CACNA2D3: variants seen among roughly 807,000 people sequenced by gnomAD.
The protein encoded by CACNA2D3 is voltage-dependent calcium channel subunit alpha-2/delta-3.
Under a neutral mutation model 160.6 loss-of-function variants are expected in CACNA2D3, and 60 were observed. That is an observed-to-expected ratio of 0.37 (90% CI 0.30 to 0.46). CACNA2D3 has a LOEUF of 0.46. Among genes scored for constraint, CACNA2D3 ranks in the 20% least tolerant of loss-of-function variants. The pLI is 1.00. For synonymous variants in CACNA2D3, 558 were observed against 492.9 expected, an observed-to-expected ratio of 1.13 and a Z score of -1.75; for missense variants, 1,205 against 1,365.0, an observed-to-expected ratio of 0.88 and a Z score of 1.85.
At chr3:54,736,422 C>G (rs914105238) in intron 11 of CACNA2D3, among the ~76,000 whole-genome samples, 1 of 151,776 alleles carries the variant, frequency 6.6e-6, no homozygotes, top group Non-Finnish European at 1.5e-5. Flanking sequence ...TGATTGTTTC[C>G]TTGTGTTGAT....
In CACNA2D3 at chr3:54,989,068, C is replaced by T. The variant is rs144632070; in HGVS notation, c.2690+1315C>T. On this transcript the variant is annotated intron_variant, in intron 31 of 37. Transcript: ENST00000474759. ...TCAAGCTTCCTGCAGCAGCTCCTGG[C>T]CTGCCATCCACGGCACCACTGACTT... 5.2e-4 allele frequency among the ~76,000 whole-genome samples: 79 copies of T among 152,312 alleles called. No homozygotes were observed. In the East Asian group the frequency reaches 0.014, roughly 27 times the overall value.
chr3:54,738,445 A>G (rs1701575699), intron 11 of CACNA2D3, among the ~76,000 whole-genome samples: 1 of 152,208 alleles, frequency 6.6e-6, no homozygotes, highest in Non-Finnish European at 1.5e-5. Flanking sequence ...GAAAAAGTCA[A>G]CTCAGTTCCA....
At chr3:55,005,814 T>A (rs1703082096) in intron 32 of CACNA2D3, among the ~76,000 whole-genome samples, 1 of 152,160 alleles carries the variant, frequency 6.6e-6, no homozygotes, top group Non-Finnish European at 1.5e-5. Flanking sequence ...GTCACATGTG[T>A]TTAAATATAA....
chr3:54,357,371 T>C (rs752609365), intron 3 of CACNA2D3, among the ~76,000 whole-genome samples: 1 of 152,264 alleles, frequency 6.6e-6, no homozygotes, highest in Non-Finnish European at 1.5e-5. Flanking sequence ...TGTCATAAAT[T>C]GATGTGATCA....
chr3:54,916,674 G>T (rs528814276), intron 27 of CACNA2D3, among the ~76,000 whole-genome samples: 27 of 151,738 alleles, frequency 1.8e-4, no homozygotes, highest in Admixed American at 5.9e-4. Context: ...TATTAGAGGT[G>T]CATCCGTGTG....
intron 4 of CACNA2D3, among the ~76,000 whole-genome samples, chr3:54,472,829 G>A (rs1700758300): frequency 6.6e-6 from 1 of 152,144 alleles, no homozygotes; most frequent in Non-Finnish European, 1.5e-5. Flanking sequence ...CGACTTATAA[G>A]GGATATGAAA....
At chr3:54,316,230 C>T (rs572914961) in intron 2 of CACNA2D3, among the ~76,000 whole-genome samples, 1 of 152,304 alleles carries the variant, frequency 6.6e-6, no homozygotes, top group South Asian at 2.1e-4. Context: ...ATAGCTCACT[C>T]TATCCAGTTA....
At chr3:54,696,611 C>G (rs1700671178) in intron 11 of CACNA2D3, among the ~76,000 whole-genome samples, 1 of 152,038 alleles carries the variant, frequency 6.6e-6, no homozygotes, top group African/African-American at 2.4e-5. Context: ...GTTCCACTGT[C>G]CCCCACTCAC....
At chr3:54,360,932 T>C (rs1398180095) in intron 3 of CACNA2D3, among the ~76,000 whole-genome samples, 1 of 152,030 alleles carries the variant, frequency 6.6e-6, no homozygotes, top group Admixed American at 6.6e-5. Context: ...TTTAAAAAAT[T>C]CGAAAATGTA....
chr3:54,779,455 A>G (rs913928064), intron 13 of CACNA2D3, among the ~76,000 whole-genome samples: 1 of 152,220 alleles, frequency 6.6e-6, no homozygotes, highest in African/African-American at 2.4e-5. Context: ...CTGGCTGTCA[A>G]GTAATGGGCA....
intron 11 of CACNA2D3, among the ~76,000 whole-genome samples, chr3:54,710,053 C>G (rs191578505): frequency 3.3e-5 from 5 of 152,288 alleles, no homozygotes; most frequent in Admixed American, 2.6e-4. Flanking sequence ...ATCAGAGAAT[C>G]GACTCATTCA....
At chr3:54,877,252 G>C (rs909935180) in intron 18 of CACNA2D3, 1 of 152,214 alleles carries the variant, frequency 6.6e-6, no homozygotes, top group Non-Finnish European at 1.5e-5. Context: ...TTGGGCATCT[G>C]CCTCAAGCAA....
chr3:54,839,679 C>A (rs138419537), intron 16 of CACNA2D3, among the ~76,000 whole-genome samples: 1 of 152,274 alleles, frequency 6.6e-6, no homozygotes, highest in African/African-American at 2.4e-5. Context: ...TTGGCACCAC[C>A]CTCCCTGATG....
At chr3:54,670,485 A>C (rs998967806) in intron 11 of CACNA2D3, among the ~76,000 whole-genome samples, 1 of 152,104 alleles carries the variant, frequency 6.6e-6, no homozygotes, top group Non-Finnish European at 1.5e-5. Context: ...ATGGAGCAAA[A>C]CCGCCCCATC....
intron 3 of CACNA2D3, among the ~76,000 whole-genome samples, chr3:54,366,866 A>G (rs559170299): frequency 6.6e-6 from 1 of 152,362 alleles, no homozygotes; most frequent in African/African-American, 2.4e-5. Flanking sequence ...TGATTCTGCA[A>G]TAATGGTTAA....
chr3:55,026,732 G>C (rs907508128), intron 35 of CACNA2D3, among the ~76,000 whole-genome samples: 19 of 152,282 alleles, frequency 1.2e-4, no homozygotes, highest in Non-Finnish European at 2.4e-4. Flanking sequence ...GAGGGGACAA[G>C]GGCTGATCAA....
intron 1 of CACNA2D3, 139 bp from the exon 2 acceptor site, chr3:54,123,374 T>G: frequency 5.9e-6 from 4 of 672,288 alleles, no homozygotes; most frequent in Non-Finnish European, 7.8e-6. Flanking sequence ...CCAAGCCGCT[T>G]TTTCTATCTT....
intron 4 of CACNA2D3, among the ~76,000 whole-genome samples, chr3:54,445,216 G>A (rs1700202751): frequency 6.6e-6 from 1 of 152,228 alleles, no homozygotes; most frequent in African/African-American, 2.4e-5. Flanking sequence ...TCAGCCATTG[G>A]CACCCTGTGG....
intron 31 of CACNA2D3, among the ~76,000 whole-genome samples, chr3:54,998,619 C>T (rs979915304): frequency 1.3e-5 from 2 of 152,186 alleles, no homozygotes; most frequent in African/African-American, 2.4e-5. Context: ...TCTTGTTGCT[C>T]CCCATTCAGT....
Sources: gnomAD v4.1 joint callset for allele counts (sites outside exome capture counted in the v4.1 genomes callset) on GRCh38, gnomAD v4.1.1 for gene constraint, MANE v1.5 for transcripts, NCBI Gene and HGNC (gene_info 2026-07-23, HGNC 2026-07-21) for gene names.